INSR: variants seen among roughly 807,000 people sequenced by gnomAD.
INSR encodes the protein insulin receptor.
A neutral mutation model predicts 142.6 loss-of-function variants in INSR; 67 were observed. That is an observed-to-expected ratio of 0.47 (90% CI 0.39 to 0.58). INSR has a LOEUF of 0.58. Ranked by LOEUF, INSR falls within the 20% of genes least tolerant of loss-of-function variation. The probability of loss-of-function intolerance (pLI) is 0.00; values close to 1 mark genes in which losing one functional copy is unlikely to be tolerated. For synonymous variants in INSR, 756 were observed against 743.1 expected, an observed-to-expected ratio of 1.02 and a Z score of -0.28; for missense variants, 1,248 against 1,833.2, an observed-to-expected ratio of 0.68 and a Z score of 5.83.
chr19:7,175,369 A>G (rs1223642879), intron 3 of INSR, among the ~76,000 whole-genome samples: 2 of 152,092 alleles, frequency 1.3e-5, no homozygotes, highest in Non-Finnish European at 1.5e-5. Context: ...GCATAAGTCC[A>G]TCATGCTACG....
intron 9 of INSR, among the ~76,000 whole-genome samples, chr19:7,160,436 T>TG (rs111958132): frequency 0.018 from 2,802 of 151,586 alleles, 79 homozygotes; most frequent in African/African-American, 0.065. Context: ...CATGAGCCAC[T>TG]GTGCCCGGCC....
At chr19:7,138,027 G>A (rs1410081237) in intron 13 of INSR, among the ~76,000 whole-genome samples, 6 of 147,820 alleles carry the variant, frequency 4.1e-5, no homozygotes, top group Non-Finnish European at 5.9e-5. Context: ...GCAGTGGCGT[G>A]ATCTCGGCTC....
rs1974034592 is a variant in INSR at position 7,172,289 on chromosome 19, C to T, written c.1268+1G>A. The T allele has an allele frequency of 6.2e-7, 1 of 1,614,028 alleles. No homozygotes were observed. The highest frequency in any genetic ancestry group is 1.7e-5 in the Admixed American group (1 of 60,004). On this transcript the variant is annotated splice_donor_variant, in intron 5 of 21. Coordinates refer to ENST00000302850, the MANE Select transcript of INSR (RefSeq NM_000208.4). LOFTEE classifies it high-confidence loss of function. ...CCATACACACAATCAGGCCCACGTA[C>T]CCAATTTCCAAGGTCTCTCCTCGAA...
In INSR at chr19:7,214,127, GTT is replaced by G. The variant is rs546717303; in HGVS notation, c.653-29492_653-29491del. 4.9e-4 allele frequency among the ~76,000 whole-genome samples: 74 copies of G among 152,272 alleles called. 3 individuals are homozygous for G. The South Asian group carries it at 0.012, about 24-fold the overall frequency. On this transcript the variant is annotated intron_variant, in intron 2 of 21. Coordinates refer to ENST00000302850, the MANE Select transcript of INSR (RefSeq NM_000208.4). ...TTAAGGATGGCTATGTGATGAAGGT[GTT>G]TTCTCTTTGTGATTAAACGCCTTAC...
intron 2 of INSR, among the ~76,000 whole-genome samples, chr19:7,207,932 GGA>G (rs1568486950): frequency 5.3e-5 from 7 of 132,004 alleles, no homozygotes; most frequent in African/African-American, 1.7e-4. Flanking sequence ...AAGGAAGGAA[GGA>G]AGGAAGGGAA....
At chr19:7,131,860 G>T (rs917020273) in intron 14 of INSR, among the ~76,000 whole-genome samples, 2 of 151,344 alleles carry the variant, frequency 1.3e-5, no homozygotes, top group Non-Finnish European at 2.9e-5. Context: ...TTAGCCGGGC[G>T]TGGTGGTGGG....
At chr19:7,128,821 C>T in intron 15 of INSR, 31 bp downstream of exon 15, 4 of 1,472,818 alleles carry the variant, frequency 2.7e-6, no homozygotes, top group Non-Finnish European at 3.8e-6. Flanking sequence ...ACCAACTGTT[C>T]CCAGCACACC....
At chr19:7,157,874 G>T (rs924861768) in intron 9 of INSR, among the ~76,000 whole-genome samples, 1 of 151,578 alleles carries the variant, frequency 6.6e-6, no homozygotes, top group Non-Finnish European at 1.5e-5. Flanking sequence ...GTATCCACTC[G>T]GAAACCCAAG....
chr19:7,292,552 C>G (rs1448293122), intron 1 of INSR, among the ~76,000 whole-genome samples: 1 of 151,980 alleles, frequency 6.6e-6, no homozygotes, highest in African/African-American at 2.4e-5. Context: ...CACTCTAGCA[C>G]CTGATTTTAC....
chr19:7,122,641 C>A lies in INSR; in HGVS notation c.3502G>T (p.Ala1168Ser). 1 of 1,614,174 alleles carries A rather than the reference C, an allele frequency of 6.2e-7. No individual in the cohort carries two copies. Among genetic ancestry groups the A allele is most frequent in the Non-Finnish European group, 8.5e-7 (1 of 1,180,040 alleles). The change falls in exon 19 of 22, where the codon GCC becomes TCC. Residue 1168 changes from alanine to serine, a missense_variant. Coordinates refer to ENST00000302850, the MANE Select transcript of INSR (RefSeq NM_000208.4). Reference protein sequence around the residue: ...RDLAARNCMVAHDFTVKIGDF... With the variant: ...RDLAARNCMVSHDFTVKIGDF... ...CCAATTTTGACAGTAAAATCATGGG[C>A]GACCATGCAGTTTCTCGCTGCCAGG...
intron 2 of INSR, among the ~76,000 whole-genome samples, chr19:7,209,868 T>A (rs1047566003): frequency 3.3e-5 from 5 of 152,104 alleles, no homozygotes; most frequent in African/African-American, 1.2e-4. Context: ...GTCGTGGGTG[T>A]CTTAGCAATC....
At chr19:7,157,452 A>C (rs1443424370) in intron 9 of INSR, among the ~76,000 whole-genome samples, 1 of 119,062 alleles carries the variant, frequency 8.4e-6, no homozygotes, top group Admixed American at 1.0e-4. Context: ...TGGTAGAGAC[A>C]GAGTTTTGCT....
rs1309847325 is a variant in INSR at position 7,166,658 on chromosome 19, G to A, written c.1611-254C>T. On this transcript the variant is annotated intron_variant, in intron 7 of 21. Transcript: ENST00000302850. The surrounding 1 kb of genome is among the most constrained non-coding windows in gnomAD (Gnocchi z 4.1). The stretch of plus-strand genomic sequence containing the variant: ...GACTTGGCCAAGTGCAGTGGCTCAC[G>A]CCTGTAATCCCAGCACTTTGGGAGG... Among the ~76,000 whole-genome samples, 2 of 152,132 alleles carry A rather than the reference G, an allele frequency of 1.3e-5. No individual in the cohort carries two copies. Among genetic ancestry groups the A allele is most frequent in the African/African-American group, 2.4e-5 (1 of 41,432 alleles).
At chr19:7,255,356 C>T (rs1249251395) in intron 2 of INSR, among the ~76,000 whole-genome samples, 1 of 152,130 alleles carries the variant, frequency 6.6e-6, no homozygotes, top group Non-Finnish European at 1.5e-5. Flanking sequence ...ACCTTCATGA[C>T]GGCATTGGAG....
chr19:7,162,956 C>T (rs1973794948), intron 9 of INSR, 76 bp downstream of exon 9: 6 of 1,444,022 alleles, frequency 4.2e-6, no homozygotes, highest in South Asian at 2.3e-5. Flanking sequence ...ATAGCTGCTT[C>T]CCTAGAGGTG....
chr19:7,194,986 G>A (rs1311895276), intron 2 of INSR, among the ~76,000 whole-genome samples: 2 of 151,838 alleles, frequency 1.3e-5, no homozygotes, highest in Non-Finnish European at 2.9e-5. Flanking sequence ...CCCTGTCCTC[G>A]AGACATCCAG....
chr19:7,206,120 T>C (rs1000241414), intron 2 of INSR, among the ~76,000 whole-genome samples: 2 of 152,096 alleles, frequency 1.3e-5, no homozygotes, highest in African/African-American at 4.8e-5. Context: ...ACAACTTCCT[T>C]TATTTCATGG....
At chr19:7,264,338 C>T (rs1977158320) in intron 2 of INSR, among the ~76,000 whole-genome samples, 1 of 151,954 alleles carries the variant, frequency 6.6e-6, no homozygotes, top group Non-Finnish European at 1.5e-5. Context: ...GTCTCAAAAA[C>T]AAACAAACAA....
intron 2 of INSR, among the ~76,000 whole-genome samples, chr19:7,185,881 A>G (rs1599961125): frequency 7.8e-6 from 1 of 127,480 alleles, no homozygotes; most frequent in African/African-American, 3.0e-5. Flanking sequence ...ACAAAGAGAG[A>G]GAGAAAAGGA....
Sources: gnomAD v4.1 joint callset for allele counts (sites outside exome capture counted in the v4.1 genomes callset) on GRCh38, gnomAD v4.1.1 for gene constraint, Gnocchi (gnomAD v3.1) non-coding constraint, MANE v1.5 for transcripts, NCBI Gene and HGNC (gene_info 2026-07-23, HGNC 2026-07-21) for gene names.